The following CEP250 variants were observed in gnomAD, a reference collection of about 807,000 sequenced individuals.
The protein encoded by CEP250 is centrosome-associated protein CEP250.
In CEP250, 242 loss-of-function variants were observed where a neutral mutation model predicts 315.7. That is an observed-to-expected ratio of 0.77 (90% CI 0.69 to 0.85). The LOEUF is 0.85. CEP250 is among the 40% of genes least tolerant of loss of function. The pLI, the probability that CEP250 is intolerant of heterozygous loss-of-function variation, is 0.00. For synonymous variants in CEP250, 1,088 were observed against 1,175.0 expected (o/e 0.93, Z 1.51); for missense variants, 2,515 against 2,886.4 (o/e 0.87, Z 2.95).
At chr20:35,465,719 A>G in intron 5 of CEP250, 24 bp from the exon 6 acceptor site, 1 of 1,551,796 alleles carries the variant, frequency 6.4e-7, no homozygotes. Flanking sequence ...GGAGGTAAGT[A>G]AGGCTTGTCT....
Position 35,503,949 on chromosome 20 carries a change from G to A in CEP250, c.5580G>A (p.Glu1860=). Residue 1860 remains glutamate (E), a synonymous_variant, in exon 30 of 35, where the codon GAG becomes GAA. Coordinates refer to ENST00000397527, the MANE Select transcript of CEP250 (RefSeq NM_007186.6). This position sits in a 1 kb window ranked among gnomAD's most constrained non-coding sequence, Gnocchi z 4.2. ...TGACACTGAAGGAGCGTCATGGAGA[G>A]CTTCAGGACCACAAGGAACAGGCAC... The part of the protein sequence containing the change: ...AHMTLKERHG[E]LQDHKEQARR... 1 of 1,613,106 alleles carries A rather than the reference G, an allele frequency of 6.2e-7. No homozygotes were observed. The highest frequency in any genetic ancestry group is 8.5e-7 in the Non-Finnish European group (1 of 1,179,526).
Position 35,474,817 on chromosome 20 carries a change from T to A in CEP250, c.1572-685T>A, listed in dbSNP as rs224362. The A allele has an allele frequency of 8.0e-4, 375 of 470,854 alleles. 2 individuals are homozygous for A. The highest frequency in any genetic ancestry group is 1.1e-3 in the Non-Finnish European group (251 of 226,976). The allele number at this position is 470,854 out of a possible 1,614,324, so 29.2% of individuals were successfully genotyped here. On this transcript the variant is annotated intron_variant, in intron 14 of 34. Transcript: ENST00000397527. ...AGGGTTGCTGGGAAGATGAGAGCAA[T>A]GTTTTGGAAAACGCCAGCATAGAAC...
chr20:35,464,399 C>T (rs2062826305), intron 5 of CEP250, among the ~76,000 whole-genome samples: 1 of 152,148 alleles, frequency 6.6e-6, no homozygotes, highest in Non-Finnish European at 1.5e-5. Context: ...GCCTCAGCCT[C>T]CTGGGCTTAA....
chr20:35,494,604 A>G lies in CEP250; in HGVS notation c.3114A>G (p.Arg1038=). ...AGCAGGAGGTTCAGGAGAAGCTGAGAGAGACCCAGGAGTATAACCGAATTC... is the reference window on the plus strand; with the variant it reads ...AGCAGGAGGTTCAGGAGAAGCTGAGGGAGACCCAGGAGTATAACCGAATTC... ...LVEQEVQEKL[R]ETQEYNRIQK... The change falls in exon 24 of 35, where the codon AGA becomes AGG. Residue 1038 remains arginine, a synonymous_variant. Transcript: ENST00000397527. The G allele has an allele frequency of 6.2e-7, 1 of 1,614,168 alleles. No homozygotes were observed. Among genetic ancestry groups the G allele is most frequent in the South Asian group, 1.1e-5 (1 of 91,084 alleles).
Position 35,477,942 on chromosome 20 carries a change from C to T in CEP250, c.1935C>T (p.Val645=), listed in dbSNP as rs370009858. ...AAEQARNALQ[V]DLAEAEKRRE... ...AGCAGGCGAGAAATGCTTTGCAGGTCGACCTGGCGGAGGCAGAGAAGAGGA... is the reference window on the plus strand; with the variant it reads ...AGCAGGCGAGAAATGCTTTGCAGGTTGACCTGGCGGAGGCAGAGAAGAGGA... Residue 645 remains valine (V), a synonymous_variant, in exon 17 of 35, where the codon GTC becomes GTT. Transcript: ENST00000397527. The T allele has an allele frequency of 7.3e-5, 117 of 1,610,204 alleles. No individual in the cohort carries two copies. In the African/African-American group the frequency reaches 1.3e-3, roughly 19 times the overall value.
chr20:35,485,645 CTTTTTT>C (rs782622070), intron 20 of CEP250, among the ~76,000 whole-genome samples: 408 of 33,724 alleles, frequency 0.012, 2 homozygotes, highest in African/African-American at 0.048. Flanking sequence ...GTCTGCCTGG[CTTTTTT>C]TTTTTTTTTT....
intron 22 of CEP250, among the ~76,000 whole-genome samples, chr20:35,491,895 C>CTAA: frequency 1.6e-5 from 1 of 63,928 alleles, no homozygotes; most frequent in East Asian, 4.9e-4. Flanking sequence ...GAGCGAGTCT[C>CTAA]AAAAAAAAAA....
At chr20:35,498,561 C>T in intron 26 of CEP250, 34 bp from the exon 27 acceptor site, 1 of 1,602,012 alleles carries the variant, frequency 6.2e-7, no homozygotes, top group East Asian at 2.3e-5. Context: ...TTCATAGTGG[C>T]AGCCAGGTAA....
rs1163328685 is a variant in CEP250 at position 35,479,713 on chromosome 20, A to T, written c.2356A>T (p.Thr786Ser). ...AQQQNSVIEV[T>S]KGQLEVQIQT... ...ACAACAAAATTCTGTGATAGAGGTC[A>T]CCAAGGGGCAGCTGGAGGTCCAGAT... The change falls in exon 19 of 35, where the codon ACC (threonine) becomes TCC (serine). Residue 786 changes from threonine (T) to serine (S), a missense_variant. Transcript: ENST00000397527. 3 of 1,614,210 alleles carry T rather than the reference A, an allele frequency of 1.9e-6. No homozygotes were observed. In the South Asian group the frequency reaches 3.3e-5, roughly 18 times the overall value.
In CEP250 at chr20:35,493,207, A is replaced by G. The variant is rs2063745277; in HGVS notation, c.2890-222A>G. On this transcript the variant is annotated intron_variant, in intron 22 of 34. Coordinates refer to ENST00000397527, the MANE Select transcript of CEP250 (RefSeq NM_007186.6). ...GGGATATGGTTAGGAGACTGTTTCC[A>G]TGGTCTAGGTGAGAGACTATTACCA... 2.0e-5 allele frequency among the ~76,000 whole-genome samples: 3 copies of G among 152,060 alleles called. No homozygotes were observed. In the East Asian group the frequency reaches 5.8e-4, roughly 30 times the overall value.
Position 35,501,791 on chromosome 20 carries a change from C to G in CEP250, c.3899-54C>G, listed in dbSNP as rs1489928418. 5.9e-6 allele frequency: 9 copies of G among 1,533,660 alleles called. No homozygotes were observed. The East Asian group carries it at 2.0e-4, about 33-fold the overall frequency. On this transcript the variant is annotated intron_variant, in intron 28 of 34. Transcript: ENST00000397527. ...ATCTGCCTCTATATCCCTCTATATC[C>G]CAAACATGGGTCTTACTCCACTACC...
intron 20 of CEP250, among the ~76,000 whole-genome samples, chr20:35,483,148 C>T (rs1419795518): frequency 6.6e-6 from 1 of 151,574 alleles, no homozygotes; most frequent in African/African-American, 2.4e-5. Context: ...TGGAGAAACC[C>T]CGTCTCTACT....
intron 12 of CEP250, 56 bp downstream of exon 12, chr20:35,472,887 G>A: frequency 6.4e-7 from 1 of 1,573,102 alleles, no homozygotes; most frequent in Non-Finnish European, 8.7e-7. Flanking sequence ...AAACTGGTTT[G>A]TGCCTCAGGT....
At chr20:35,460,432 A>C (rs1199847137) in intron 3 of CEP250, among the ~76,000 whole-genome samples, 1 of 152,202 alleles carries the variant, frequency 6.6e-6, no homozygotes, top group Non-Finnish European at 1.5e-5. Context: ...TGTGAGGGAG[A>C]GAATCGGTGT....
intron 16 of CEP250, among the ~76,000 whole-genome samples, chr20:35,477,575 G>A (rs1035133315): frequency 2.0e-5 from 3 of 152,204 alleles, no homozygotes; most frequent in South Asian, 2.1e-4. Context: ...TATAATTATA[G>A]CGAGGGAACC....
chr20:35,495,483 G>A (rs2063810806), intron 24 of CEP250, among the ~76,000 whole-genome samples: 2 of 152,298 alleles, frequency 1.3e-5, no homozygotes, highest in South Asian at 4.1e-4. Context: ...GGATGGGCTG[G>A]GTGCTGTGTC....
intron 3 of CEP250, among the ~76,000 whole-genome samples, chr20:35,461,477 C>T (rs2062755251): frequency 6.6e-6 from 1 of 152,210 alleles, no homozygotes; most frequent in Non-Finnish European, 1.5e-5. Context: ...CTGTGGTGGC[C>T]CATTGCCCTG....
chr20:35,516,351 G>C lies in CEP250; in HGVS notation c.*4725G>C, dbSNP rs1461664264. The C allele has an allele frequency of 6.6e-6, 1 of 152,200 alleles. No individual in the cohort carries two copies. The highest frequency in any genetic ancestry group is 1.5e-5 in the Non-Finnish European group (1 of 68,044). The allele number at this position is 152,200 out of a possible 1,614,324, so 9.4% of individuals were successfully genotyped here. ...CATTGCCCTTGCACCTCCTGTCTTG[G>C]TTTCCTATCAAAACCTCTCCCGTAT... is the stretch of plus-strand genomic sequence containing the variant. On this transcript the variant is annotated 3_prime_UTR_variant, in exon 35 of 35. Coordinates refer to ENST00000397527, the MANE Select transcript of CEP250 (RefSeq NM_007186.6).
chr20:35,503,644 C>A lies in CEP250; in HGVS notation c.5275C>A (p.Leu1759Ile). 3.7e-6 allele frequency: 6 copies of A among 1,614,108 alleles called. No homozygotes were observed. Among genetic ancestry groups the A allele is most frequent in the Non-Finnish European group, 5.1e-6 (6 of 1,179,980 alleles). Reference sequence around the variant, plus strand: ...GCTCAAAGACCAGCTGGAGCAGCAGCTCCAGGGCCTGCACAGGAAGGTAGG... The same window carrying A: ...GCTCAAAGACCAGCTGGAGCAGCAGATCCAGGGCCTGCACAGGAAGGTAGG... ...QELKDQLEQQLQGLHRKVGET... is the reference protein window; with the variant it reads ...QELKDQLEQQIQGLHRKVGET... The change falls in exon 30 of 35, where the codon CTC becomes ATC. Residue 1759 changes from leucine (L) to isoleucine (I), a missense_variant. Coordinates refer to ENST00000397527, the MANE Select transcript of CEP250 (RefSeq NM_007186.6). This position sits in a 1 kb window ranked among gnomAD's most constrained non-coding sequence, Gnocchi z 4.2.
Sources: gnomAD v4.1 joint callset for allele counts (sites outside exome capture counted in the v4.1 genomes callset) on GRCh38, gnomAD v4.1.1 for gene constraint, Gnocchi (gnomAD v3.1) non-coding constraint, MANE v1.5 for transcripts, NCBI Gene and HGNC (gene_info 2026-07-23, HGNC 2026-07-21) for gene names.